MEI4: variants seen among roughly 807,000 people sequenced by gnomAD.
MEI4 encodes the protein meiotic double-stranded break formation protein 4.
Under a neutral mutation model 31.4 loss-of-function variants are expected in MEI4, and 27 were observed. That is an observed-to-expected ratio of 0.86 (90% CI 0.63 to 1.19). The LOEUF is 1.19. Ranked by LOEUF, MEI4 falls within the 50% of genes most tolerant of loss-of-function variation. The pLI is 0.00. For synonymous variants in MEI4, 122 were observed against 145.4 expected, an observed-to-expected ratio of 0.84 and a Z score of 1.16; for missense variants, 329 against 398.9, an observed-to-expected ratio of 0.82 and a Z score of 1.49.
chr6:77,899,941 A>G (rs1766155095), intron 4 of MEI4, among the ~76,000 whole-genome samples: 1 of 152,038 alleles, frequency 6.6e-6, no homozygotes, highest in African/African-American at 2.4e-5. Flanking sequence ...GAAAAAAAAA[A>G]ACAGGAAATC....
At chr6:77,692,163 T>A (rs554694478) in intron 2 of MEI4, among the ~76,000 whole-genome samples, 1 of 152,066 alleles carries the variant, frequency 6.6e-6, no homozygotes, top group Admixed American at 6.6e-5. Flanking sequence ...CCTAGGTTCT[T>A]CTCTTTGACT....
chr6:77,732,717 G>A (rs972433892), intron 2 of MEI4, among the ~76,000 whole-genome samples: 3 of 151,938 alleles, frequency 2.0e-5, no homozygotes, highest in African/African-American at 4.8e-5. Context: ...GTTTTCAAAG[G>A]GAATGCTTCC....
At chr6:77,793,549 A>G (rs1768995565) in intron 3 of MEI4, among the ~76,000 whole-genome samples, 1 of 152,204 alleles carries the variant, frequency 6.6e-6, no homozygotes, top group Non-Finnish European at 1.5e-5. Context: ...ATAAAAATTA[A>G]AAGAGAAAAT....
rs1408377986 is a variant in MEI4 at position 77,923,278 on chromosome 6, T to TTTAC, written c.1093_1096dup (p.Phe366TyrfsTer20). 1 of 1,230,178 alleles carries TTTAC rather than the reference T, an allele frequency of 8.1e-7. No individual in the cohort carries two copies. Among genetic ancestry groups the TTTAC allele is most frequent in the African/African-American group, 1.6e-5 (1 of 64,258 alleles). The allele number at this position is 1,230,178 out of a possible 1,614,324, so 76.2% of individuals were successfully genotyped here. A position where few individuals can be genotyped will look rare whatever the true frequency, so the allele number is the denominator to read the frequency against. The stretch of plus-strand genomic sequence containing the variant: ...CCAACTTTCTGATGCATTTCCTTTG[T>TTTAC]TTACTTTTTATTTATGGAGAGTGGG... On this transcript the variant is annotated frameshift_variant, in exon 5 of 5. Coordinates refer to ENST00000684080, the MANE Select transcript of MEI4 (RefSeq NM_001322247.2). LOFTEE classifies it high-confidence loss of function.
intron 2 of MEI4, 69 bp downstream of exon 2, chr6:77,690,972 A>G: frequency 6.1e-6 from 5 of 820,368 alleles, no homozygotes; most frequent in East Asian, 3.4e-5. Flanking sequence ...AATTATTTAG[A>G]AATGTATTCC....
chr6:77,890,198 G>T (rs770285306), intron 4 of MEI4, among the ~76,000 whole-genome samples: 75 of 152,270 alleles, frequency 4.9e-4, no homozygotes, highest in Non-Finnish European at 9.4e-4. Flanking sequence ...TGTGTGCCTG[G>T]AAAAGCTGCA....
intron 2 of MEI4, among the ~76,000 whole-genome samples, chr6:77,731,598 A>T (rs1766994177): frequency 6.6e-6 from 1 of 151,338 alleles, no homozygotes; most frequent in African/African-American, 2.4e-5. Flanking sequence ...CTCTGATGGT[A>T]GTTTCTTTTG....
chr6:77,899,864 G>T (rs191524337), intron 4 of MEI4, among the ~76,000 whole-genome samples: 1 of 151,694 alleles, frequency 6.6e-6, no homozygotes, highest in Admixed American at 6.6e-5. Context: ...GAATACTGCC[G>T]TAGTAAACAT....
At position 77,849,517 on chromosome 6, in the gene MEI4, A is replaced by C. The variant is rs528381611; in HGVS notation, c.900+20455A>C. On this transcript the variant is annotated intron_variant, in intron 4 of 4. Transcript: ENST00000684080. ...TTTGCTAACACTTCCCTTGGAGATAACAATTTTAACTGTAAGTTATGGTTC... is the reference window on the plus strand; with the variant it reads ...TTTGCTAACACTTCCCTTGGAGATACCAATTTTAACTGTAAGTTATGGTTC... 2.6e-5 allele frequency among the ~76,000 whole-genome samples: 4 copies of C among 152,328 alleles called. No homozygotes were observed. The South Asian group carries it at 8.3e-4, about 32-fold the overall frequency.
At chr6:77,682,332 C>T (rs1768973903) in intron 1 of MEI4, among the ~76,000 whole-genome samples, 1 of 152,128 alleles carries the variant, frequency 6.6e-6, no homozygotes. Flanking sequence ...TGGTTTTCTC[C>T]CTTATAGCTT....
At chr6:77,710,311 C>T (rs1561953822) in intron 2 of MEI4, among the ~76,000 whole-genome samples, 5 of 151,996 alleles carry the variant, frequency 3.3e-5, no homozygotes, top group African/African-American at 1.2e-4. Flanking sequence ...ATCACGAGGT[C>T]AAGAGATCAA....
chr6:77,735,086 C>G (rs948332966), intron 2 of MEI4, among the ~76,000 whole-genome samples: 5 of 152,012 alleles, frequency 3.3e-5, no homozygotes, highest in Non-Finnish European at 7.3e-5. Flanking sequence ...TTCATTTCTA[C>G]TTCGGTGAAC....
chr6:77,783,436 C>G (rs1768646380), intron 3 of MEI4, among the ~76,000 whole-genome samples: 2 of 152,262 alleles, frequency 1.3e-5, no homozygotes, highest in East Asian at 1.9e-4. Flanking sequence ...AAGCTGACAG[C>G]TCTACATGAC....
intron 4 of MEI4, among the ~76,000 whole-genome samples, chr6:77,872,559 T>G (rs979653118): frequency 6.6e-6 from 1 of 151,964 alleles, no homozygotes; most frequent in Non-Finnish European, 1.5e-5. Context: ...AGGCAGTTTA[T>G]TTTTTTATTT....
At chr6:77,918,234 T>G (rs1214319260) in intron 4 of MEI4, among the ~76,000 whole-genome samples, 1 of 151,918 alleles carries the variant, frequency 6.6e-6, no homozygotes, top group Non-Finnish European at 1.5e-5. Context: ...TGGCTTAGGA[T>G]TGACTTGGCG....
chr6:77,853,432 A>G (rs913913312), intron 4 of MEI4, among the ~76,000 whole-genome samples: 6 of 152,218 alleles, frequency 3.9e-5, no homozygotes, highest in African/African-American at 7.2e-5. Context: ...CAAAAGTGCT[A>G]TGCTATCTCT....
intron 4 of MEI4, among the ~76,000 whole-genome samples, chr6:77,852,615 A>ATTTTTTTTTTT: frequency 6.9e-6 from 1 of 143,948 alleles, no homozygotes. Flanking sequence ...AGTTTTAGAG[A>ATTTTTTTTTTT]CAGGAAAGTC....
intron 4 of MEI4, among the ~76,000 whole-genome samples, chr6:77,899,170 A>T (rs1766140982): frequency 6.6e-6 from 1 of 152,074 alleles, no homozygotes; most frequent in Non-Finnish European, 1.5e-5. Flanking sequence ...TTTGCCAGTC[A>T]TTAATGAGCT....
At chr6:77,884,425 T>G (rs1055128790) in intron 4 of MEI4, among the ~76,000 whole-genome samples, 6 of 152,180 alleles carry the variant, frequency 3.9e-5, no homozygotes, top group African/African-American at 1.4e-4. Flanking sequence ...AATAAAATCC[T>G]TGTCTACACC....
Sources: gnomAD v4.1 joint callset for allele counts (sites outside exome capture counted in the v4.1 genomes callset) on GRCh38, gnomAD v4.1.1 for gene constraint, MANE v1.5 for transcripts, NCBI Gene and HGNC (gene_info 2026-07-23, HGNC 2026-07-21) for gene names.